The following FAAP20 variants were observed in gnomAD, a reference collection of about 807,000 sequenced individuals.
FAAP20 encodes FA core complex associated protein 20.
Under a neutral mutation model 16.2 loss-of-function variants are expected in FAAP20, and 12 were observed. That is an observed-to-expected ratio of 0.74 (90% CI 0.48 to 1.20). The LOEUF (loss-of-function observed/expected upper bound fraction) is 1.20. Among genes scored for constraint, FAAP20 ranks in the 50% most tolerant of loss-of-function variants. The pLI, the probability that FAAP20 is intolerant of heterozygous loss-of-function variation, is 0.00. For synonymous variants in FAAP20, 141 were observed against 110.7 expected (o/e 1.27, Z -1.72); for missense variants, 288 against 245.8 (o/e 1.17, Z -1.15).
upstream of FAAP20, among the ~76,000 whole-genome samples, chr1:2,204,796 C>G (rs982879148): frequency 2.6e-5 from 4 of 152,164 alleles, no homozygotes; most frequent in South Asian, 2.1e-4. Flanking sequence ...TTGGTTTCCT[C>G]CCGCCGCCGG....
chr1:2,211,221 T>A (rs1689424670), downstream of FAAP20, among the ~76,000 whole-genome samples: 1 of 139,930 alleles, frequency 7.1e-6, no homozygotes, highest in Non-Finnish European at 1.5e-5. Flanking sequence ...TCTTTTTCTT[T>A]CTTTCTTTTT....
At chr1:2,193,089 C>G in intron 3 of FAAP20, 1 of 1,103,894 alleles carries the variant, frequency 9.1e-7, no homozygotes, top group Non-Finnish European at 1.2e-6. Context: ...CACACCACCC[C>G]AGCCCCAGGA....
upstream of FAAP20, among the ~76,000 whole-genome samples, chr1:2,197,418 G>A (rs751533691): frequency 2.0e-5 from 3 of 152,236 alleles, no homozygotes; most frequent in Admixed American, 6.5e-5. Flanking sequence ...GCTGGCGCAG[G>A]CTGCTTGGGA....
At chr1:2,189,098 G>A (rs1489854214), downstream of FAAP20, among the ~76,000 whole-genome samples, 2 of 151,632 alleles carry the variant, frequency 1.3e-5, no homozygotes, top group South Asian at 4.2e-4. Context: ...AGGAAGCCAA[G>A]GCGGGAGGAT....
chr1:2,201,277 G>A, upstream of FAAP20: 7 of 1,152,080 alleles, frequency 6.1e-6, no homozygotes, highest in Non-Finnish European at 7.7e-6. Flanking sequence ...GCATCCTCCA[G>A]AGGGTCAGGG....
upstream of FAAP20, among the ~76,000 whole-genome samples, chr1:2,195,583 T>G (rs1454959926): frequency 6.6e-6 from 1 of 152,194 alleles, no homozygotes; most frequent in Admixed American, 6.5e-5. Context: ...CCCAGCAGCT[T>G]TGGGGCTATG....
chr1:2,198,287 G>T, upstream of FAAP20: 1 of 807,206 alleles, frequency 1.2e-6, no homozygotes, highest in South Asian at 1.7e-5. Flanking sequence ...TCGAGTGGGT[G>T]GGGGCATCAG....
At chr1:2,192,162 T>A in intron 3 of FAAP20, 1 of 985,750 alleles carries the variant, frequency 1.0e-6, no homozygotes, top group Non-Finnish European at 1.2e-6. Flanking sequence ...GCTGGGGTCC[T>A]GTGCGGTCAG....
chr1:2,207,325 T>A (rs553917590), downstream of FAAP20, among the ~76,000 whole-genome samples: 40 of 152,166 alleles, frequency 2.6e-4, no homozygotes, highest in Non-Finnish European at 5.3e-4. Context: ...GGGCGTGGTC[T>A]GGTAGATAAC....
downstream of FAAP20, among the ~76,000 whole-genome samples, chr1:2,189,019 A>AC (rs1553182609): frequency 8.3e-5 from 12 of 145,188 alleles, no homozygotes; most frequent in South Asian, 2.2e-4. Flanking sequence ...AAGAAAAAAA[A>AC]AAAAAAAAAC....
chr1:2,199,316 A>C, upstream of FAAP20: 1 of 1,042,576 alleles, frequency 9.6e-7, no homozygotes, highest in Non-Finnish European at 1.2e-6. This position sits in a 1 kb window ranked among gnomAD's most constrained non-coding sequence, Gnocchi z 4.5. Context: ...CTTCCGCACC[A>C]CTCAGCCCCC....
chr1:2,207,110 G>C (rs1036579999), intron 1 of FAAP20, among the ~76,000 whole-genome samples: 3 of 152,346 alleles, frequency 2.0e-5, no homozygotes, highest in African/African-American at 7.2e-5. Context: ...AGGTGAGTGG[G>C]GGGCCAGTGA....
chr1:2,202,727 C>T (rs1689097588), upstream of FAAP20, among the ~76,000 whole-genome samples: 1 of 152,138 alleles, frequency 6.6e-6, no homozygotes, highest in Non-Finnish European at 1.5e-5. Context: ...CCTCTTCCCT[C>T]GGCCTCCCAA....
chr1:2,185,383 C>T (rs752679845), downstream of FAAP20: 22 of 718,794 alleles, frequency 3.1e-5, no homozygotes, highest in South Asian at 1.5e-4. Context: ...TAAAATGTTC[C>T]GATGATGTGG....
upstream of FAAP20, among the ~76,000 whole-genome samples, chr1:2,196,379 T>C (rs939921101): frequency 2.6e-5 from 4 of 152,008 alleles, no homozygotes; most frequent in Non-Finnish European, 5.9e-5. This position sits in a 1 kb window ranked among gnomAD's most constrained non-coding sequence, Gnocchi z 4.5. Context: ...CTGGGCAACA[T>C]GGCAAGACCT....
At chr1:2,208,310 C>G (rs1017615164), downstream of FAAP20, among the ~76,000 whole-genome samples, 1 of 152,084 alleles carries the variant, frequency 6.6e-6, no homozygotes, top group Non-Finnish European at 1.5e-5. Context: ...TCCTCCAGCC[C>G]GCCTTCTGGT....
At chr1:2,185,098 C>T, downstream of FAAP20, 5 of 1,301,088 alleles carry the variant, frequency 3.8e-6, no homozygotes, top group South Asian at 1.3e-5. Flanking sequence ...CTGGGCACGG[C>T]TCCGAGGGCG....
downstream of FAAP20, among the ~76,000 whole-genome samples, chr1:2,211,658 C>T (rs1689450695): frequency 1.3e-5 from 2 of 150,576 alleles, no homozygotes; most frequent in African/African-American, 4.9e-5. Context: ...ACTGTGTTAG[C>T]CAGGATGGTC....
chr1:2,185,242 C>A, downstream of FAAP20: 1 of 710,878 alleles, frequency 1.4e-6, no homozygotes, highest in Non-Finnish European at 2.6e-6. Flanking sequence ...GTGCCTGCGT[C>A]GCGGCGGATC....
Sources: allele counts gnomAD v4.1 joint callset (sites outside exome capture counted in the v4.1 genomes callset), GRCh38; gene constraint gnomAD v4.1.1; non-coding constraint Gnocchi (gnomAD v3.1); transcripts MANE v1.5; gene names NCBI Gene and HGNC (gene_info 2026-07-23, HGNC 2026-07-21).